SNX7: variants seen among roughly 807,000 people sequenced by gnomAD.
The protein encoded by SNX7 is sorting nexin-7.
SNX7 carries 35 observed loss-of-function variants against 48.4 expected under a neutral mutation model. The ratio of observed to expected loss-of-function variants is 0.72; its 90% CI spans 0.55 to 0.96. The LOEUF is 0.96. Ranked by LOEUF, SNX7 falls within the 40% of genes least tolerant of loss-of-function variation. SNX7 has a pLI of 0.00. For synonymous variants in SNX7, 190 were observed against 190.2 expected (o/e 1.00, Z 0.01); for missense variants, 553 against 548.9 (o/e 1.01, Z -0.07).
At chr1:98,685,540 C>G (rs1049178111) in intron 2 of SNX7, among the ~76,000 whole-genome samples, 2 of 152,076 alleles carry the variant, frequency 1.3e-5, no homozygotes, top group African/African-American at 4.8e-5. Context: ...AATTCAAGAG[C>G]AAAGTAGATC....
intron 1 of SNX7, among the ~76,000 whole-genome samples, chr1:98,666,362 C>A (rs922707541): frequency 6.6e-6 from 1 of 152,190 alleles, no homozygotes; most frequent in African/African-American, 2.4e-5. Context: ...GAGATGGGGA[C>A]ACTTCTTCAG....
intron 7 of SNX7, among the ~76,000 whole-genome samples, chr1:98,703,579 T>C (rs1651861489): frequency 6.6e-6 from 1 of 152,016 alleles, no homozygotes; most frequent in Non-Finnish European, 1.5e-5. Flanking sequence ...ATCTTTATTA[T>C]TTAGAGAGAA....
At chr1:98,712,526 A>G (rs1214001820) in intron 7 of SNX7, among the ~76,000 whole-genome samples, 4 of 152,196 alleles carry the variant, frequency 2.6e-5, no homozygotes, top group African/African-American at 4.8e-5. Context: ...GTAGATCTCA[A>G]GAGTGGGCTT....
At chr1:98,664,110 C>A (rs1649415116) in intron 1 of SNX7, among the ~76,000 whole-genome samples, 1 of 152,198 alleles carries the variant, frequency 6.6e-6, no homozygotes, top group Non-Finnish European at 1.5e-5. Flanking sequence ...GATGGAATCT[C>A]ACAATTACTT....
intron 1 of SNX7, among the ~76,000 whole-genome samples, chr1:98,679,660 G>A (rs564153918): frequency 6.6e-6 from 1 of 152,176 alleles, no homozygotes; most frequent in African/African-American, 2.4e-5. Flanking sequence ...AAAACAAAGG[G>A]GCTACAGGCT....
At chr1:98,721,012 A>C (rs1381992466) in intron 7 of SNX7, among the ~76,000 whole-genome samples, 1 of 152,116 alleles carries the variant, frequency 6.6e-6, no homozygotes, top group Admixed American at 6.6e-5. Context: ...TCTTGATCAC[A>C]TACTCCATCA....
At chr1:98,727,970 A>G (rs1653278367) in intron 7 of SNX7, among the ~76,000 whole-genome samples, 1 of 152,154 alleles carries the variant, frequency 6.6e-6, no homozygotes, top group Admixed American at 6.5e-5. Context: ...ACTTCAGAAT[A>G]TCATCCAGGA....
intron 4 of SNX7, among the ~76,000 whole-genome samples, chr1:98,694,766 C>G (rs983183111): frequency 6.6e-6 from 1 of 151,478 alleles, no homozygotes; most frequent in Non-Finnish European, 1.5e-5. Context: ...TGCCACCACG[C>G]CAGGCTAATT....
In SNX7 at chr1:98,701,964, C is replaced by T. The variant is rs940272306; in HGVS notation, c.1125+61C>T. On this transcript the variant is annotated intron_variant, in intron 7 of 8. Coordinates refer to ENST00000306121, the MANE Select transcript of SNX7 (RefSeq NM_015976.5). ...ATTCATTGTCTAAAATTTTTATTAG[C>T]AATGTCCTTACATGATTGTCCTTAC... 5.7e-5 allele frequency: 66 copies of T among 1,160,936 alleles called. No homozygotes were observed. The Admixed American group carries it at 6.8e-4, about 12-fold the overall frequency. 71.9% of individuals were successfully genotyped at this position (1,160,936 alleles called of 1,614,324 possible).
chr1:98,663,827 G>A (rs1219323979), intron 1 of SNX7, among the ~76,000 whole-genome samples: 2 of 152,196 alleles, frequency 1.3e-5, no homozygotes, highest in African/African-American at 2.4e-5. Context: ...TTAACTGCGC[G>A]TGTTGGATGC....
chr1:98,686,208 ATAGT>A (rs1450609579), intron 2 of SNX7, among the ~76,000 whole-genome samples: 1 of 152,158 alleles, frequency 6.6e-6, no homozygotes, highest in Non-Finnish European at 1.5e-5. Flanking sequence ...CCTGGCTGAA[ATAGT>A]TATTCTTCCT....
At chr1:98,674,107 G>C (rs1435968106) in intron 1 of SNX7, among the ~76,000 whole-genome samples, 3 of 152,110 alleles carry the variant, frequency 2.0e-5, no homozygotes, top group Non-Finnish European at 4.4e-5. Flanking sequence ...GAAATTCCTG[G>C]AGTTGACTAC....
chr1:98,730,379 A>G (rs1206497691), intron 7 of SNX7, among the ~76,000 whole-genome samples: 1 of 152,148 alleles, frequency 6.6e-6, no homozygotes, highest in Non-Finnish European at 1.5e-5. Flanking sequence ...CACCACTCCT[A>G]TTCAGCTTAC....
intron 8 of SNX7, among the ~76,000 whole-genome samples, chr1:98,751,746 C>T (rs1285348746): frequency 6.6e-6 from 1 of 152,084 alleles, no homozygotes; most frequent in African/African-American, 2.4e-5. Flanking sequence ...AAACACAGTA[C>T]TGCACTATGA....
At chr1:98,679,772 G>A (rs1020444420) in intron 1 of SNX7, among the ~76,000 whole-genome samples, 11 of 152,210 alleles carry the variant, frequency 7.2e-5, no homozygotes, top group Non-Finnish European at 1.3e-4. Flanking sequence ...TGCAAGAGGT[G>A]GGTTCCCATG....
At chr1:98,674,330 G>T (rs1276205558) in intron 1 of SNX7, among the ~76,000 whole-genome samples, 1 of 152,128 alleles carries the variant, frequency 6.6e-6, no homozygotes, top group Non-Finnish European at 1.5e-5. Flanking sequence ...CCAGAAGTCT[G>T]ACATCAAGAA....
At chr1:98,731,829 ATGT>A (rs564957367) in intron 7 of SNX7, among the ~76,000 whole-genome samples, 4 of 152,148 alleles carry the variant, frequency 2.6e-5, no homozygotes, top group South Asian at 4.1e-4. Flanking sequence ...ATTGACTGAA[ATGT>A]TGTTATGTGG....
intron 4 of SNX7, among the ~76,000 whole-genome samples, chr1:98,693,503 C>T (rs748621816): frequency 5.3e-5 from 8 of 152,152 alleles, no homozygotes; most frequent in Non-Finnish European, 7.4e-5. Context: ...AATGAATATG[C>T]GGCCTGACTT....
At chr1:98,726,419 A>G (rs1314987002) in intron 7 of SNX7, among the ~76,000 whole-genome samples, 1 of 152,134 alleles carries the variant, frequency 6.6e-6, no homozygotes, top group African/African-American at 2.4e-5. Context: ...GAGACAGGAA[A>G]CTTATCGTTG....
Sources: allele counts gnomAD v4.1 joint callset (sites outside exome capture counted in the v4.1 genomes callset), GRCh38; gene constraint gnomAD v4.1.1; transcripts MANE v1.5; gene names NCBI Gene and HGNC (gene_info 2026-07-23, HGNC 2026-07-21).